The following GALNT17 variants were observed in gnomAD, a reference collection of about 807,000 sequenced individuals.
The protein encoded by GALNT17 is polypeptide N-acetylgalactosaminyltransferase 17.
Under a neutral mutation model 63.7 loss-of-function variants are expected in GALNT17, and 29 were observed. That is an observed-to-expected ratio of 0.46 (90% CI 0.34 to 0.62). The LOEUF is 0.62. Ranked by LOEUF, GALNT17 falls within the 20% of genes least tolerant of loss-of-function variation. The probability of loss-of-function intolerance (pLI) is 0.01; values close to 1 mark genes in which losing one functional copy is unlikely to be tolerated. For synonymous variants in GALNT17, 305 were observed against 318.3 expected, an observed-to-expected ratio of 0.96 and a Z score of 0.45; for missense variants, 603 against 799.6, an observed-to-expected ratio of 0.75 and a Z score of 2.97.
intron 9 of GALNT17, among the ~76,000 whole-genome samples, chr7:71,696,752 A>T (rs1791552059): frequency 6.6e-6 from 1 of 152,150 alleles, no homozygotes; most frequent in African/African-American, 2.4e-5. Flanking sequence ...TAGGGTGTGG[A>T]TAATGACGTT....
chr7:71,457,318 A>T (rs1320342489), intron 5 of GALNT17, among the ~76,000 whole-genome samples: 2 of 152,130 alleles, frequency 1.3e-5, no homozygotes, highest in African/African-American at 2.4e-5. Context: ...GGTTTGCCTG[A>T]TGTAGTTCCC....
chr7:71,437,267 G>A (rs903550550), intron 5 of GALNT17, among the ~76,000 whole-genome samples: 2 of 152,176 alleles, frequency 1.3e-5, no homozygotes, highest in South Asian at 2.1e-4. Flanking sequence ...GCTGCCTTCA[G>A]CCAAACTACC....
At chr7:71,347,854 C>T (rs953181016) in intron 2 of GALNT17, among the ~76,000 whole-genome samples, 23 of 152,122 alleles carry the variant, frequency 1.5e-4, no homozygotes, top group Admixed American at 1.5e-3. Context: ...TCAGCTACCT[C>T]CTGCTTCTGC....
intron 1 of GALNT17, chr7:71,300,608 A>G (rs1328943441): frequency 2.3e-5 from 6 of 259,462 alleles, no homozygotes; most frequent in African/African-American, 1.4e-4. Context: ...GTGCACATAC[A>G]CACAACCACA....
chr7:71,515,911 G>T (rs1351492489), intron 5 of GALNT17, among the ~76,000 whole-genome samples: 1 of 152,078 alleles, frequency 6.6e-6, no homozygotes, highest in East Asian at 1.9e-4. Context: ...AGAAAGAAAG[G>T]GAAGGTAGGT....
chr7:71,453,520 C>T (rs780450705), intron 5 of GALNT17, among the ~76,000 whole-genome samples: 8 of 152,260 alleles, frequency 5.3e-5, no homozygotes, highest in Non-Finnish European at 8.8e-5. Context: ...TTATTCACTA[C>T]CATGAGAGCA....
intron 1 of GALNT17, among the ~76,000 whole-genome samples, chr7:71,285,120 C>G (rs1160650513): frequency 1.3e-5 from 2 of 152,136 alleles, no homozygotes; most frequent in Non-Finnish European, 2.9e-5. Context: ...CCGACAAATA[C>G]CGCAGAAATT....
intron 6 of GALNT17, among the ~76,000 whole-genome samples, chr7:71,607,698 A>T (rs527288065): frequency 1.3e-5 from 2 of 152,346 alleles, no homozygotes; most frequent in East Asian, 1.9e-4. Flanking sequence ...AGACATAAAG[A>T]TATAATCTAT....
chr7:71,285,052 GTAAA>G (rs1790848613), intron 1 of GALNT17, among the ~76,000 whole-genome samples: 1 of 152,066 alleles, frequency 6.6e-6, no homozygotes, highest in Admixed American at 6.6e-5. Flanking sequence ...AGGTGCAAAA[GTAAA>G]TATCTATTTT....
intron 8 of GALNT17, among the ~76,000 whole-genome samples, chr7:71,675,978 A>T (rs1414139706): frequency 6.6e-6 from 1 of 152,176 alleles, no homozygotes; most frequent in East Asian, 1.9e-4. Context: ...ACAAGAGCGA[A>T]ACTCTGTCCC....
intron 1 of GALNT17, among the ~76,000 whole-genome samples, chr7:71,267,976 C>T (rs568826765): frequency 3.9e-5 from 6 of 152,102 alleles, no homozygotes; most frequent in South Asian, 2.1e-4. Flanking sequence ...GAGACTGTTC[C>T]TTTCACTTGG....
intron 6 of GALNT17, among the ~76,000 whole-genome samples, chr7:71,632,294 C>T (rs1790463659): frequency 2.0e-5 from 3 of 152,132 alleles, no homozygotes; most frequent in Non-Finnish European, 4.4e-5. Context: ...CTGCCGGGTG[C>T]CGGGAGCACT....
chr7:71,607,941 G>C (rs1221830127), intron 6 of GALNT17, among the ~76,000 whole-genome samples: 1 of 152,162 alleles, frequency 6.6e-6, no homozygotes, highest in East Asian at 1.9e-4. Flanking sequence ...TGAACTTTCA[G>C]TTGCCTCACA....
At chr7:71,290,647 A>G (rs73356038) in intron 1 of GALNT17, among the ~76,000 whole-genome samples, 6,602 of 152,128 alleles carry the variant, frequency 0.043, 485 homozygotes, top group African/African-American at 0.15. Context: ...TCCCTTGACA[A>G]TTTCGACAAA....
rs759016181 is a variant in GALNT17 at position 71,636,294 on chromosome 7, G to A, written c.1081-29117G>A. On this transcript the variant is annotated intron_variant, in intron 6 of 10. Transcript: ENST00000333538. ...GGCTCATAGCTAGAAGCAGGGAGTGGGGGACACAGGGAGACTATTAGAACA... is the reference window on the plus strand; with the variant it reads ...GGCTCATAGCTAGAAGCAGGGAGTGAGGGACACAGGGAGACTATTAGAACA... Among the ~76,000 whole-genome samples, 10 of 152,260 alleles carry A rather than the reference G, an allele frequency of 6.6e-5. No individual in the cohort carries two copies. The East Asian group carries it at 1.7e-3, about 26-fold the overall frequency.
intron 5 of GALNT17, among the ~76,000 whole-genome samples, chr7:71,452,843 T>C (rs1257467887): frequency 6.6e-6 from 1 of 152,222 alleles, no homozygotes; most frequent in Non-Finnish European, 1.5e-5. Flanking sequence ...GTTGTTGTTT[T>C]CTGGCCAGTT....
intron 6 of GALNT17, among the ~76,000 whole-genome samples, chr7:71,614,554 A>T (rs1370407782): frequency 6.6e-6 from 1 of 151,978 alleles, no homozygotes; most frequent in Non-Finnish European, 1.5e-5. Flanking sequence ...CAGGAGTTCA[A>T]AGCTGCAACG....
chr7:71,667,433 G>C (rs1255297207), intron 7 of GALNT17, among the ~76,000 whole-genome samples: 1 of 152,092 alleles, frequency 6.6e-6, no homozygotes, highest in Non-Finnish European at 1.5e-5. Flanking sequence ...CTAGTAAGTC[G>C]TTATTTGTAA....
chr7:71,467,919 C>T (rs1469720517), intron 5 of GALNT17, among the ~76,000 whole-genome samples: 5 of 152,096 alleles, frequency 3.3e-5, no homozygotes, highest in South Asian at 2.1e-4. Context: ...CAAAATTACA[C>T]GGGCATCCTG....
Sources: gnomAD v4.1 joint callset for allele counts (sites outside exome capture counted in the v4.1 genomes callset) on GRCh38, gnomAD v4.1.1 for gene constraint, MANE v1.5 for transcripts, NCBI Gene and HGNC (gene_info 2026-07-23, HGNC 2026-07-21) for gene names.